The following CTNND2 variants were observed in gnomAD, a reference collection of about 807,000 sequenced individuals.
The protein encoded by CTNND2 is catenin delta-2.
A neutral mutation model predicts 144.4 loss-of-function variants in CTNND2; 22 were observed. That is an observed-to-expected ratio of 0.15 (90% confidence interval 0.11 to 0.22). The LOEUF is 0.22. Among genes scored for constraint, CTNND2 ranks in the 10% least tolerant of loss-of-function variants. The pLI is 1.00. For missense variants in CTNND2, 1,353 were observed against 1,618.8 expected (o/e 0.84, Z 2.82); for synonymous variants, 751 against 695.6 (o/e 1.08, Z -1.25).
chr5:11,840,084 C>A (rs907004198), intron 1 of CTNND2, among the ~76,000 whole-genome samples: 7 of 152,018 alleles, frequency 4.6e-5, no homozygotes, highest in Non-Finnish European at 8.8e-5. Flanking sequence ...AAAGCTACTG[C>A]AATATATTCA....
chr5:11,212,956 G>A (rs932020814), intron 10 of CTNND2, among the ~76,000 whole-genome samples: 5 of 152,208 alleles, frequency 3.3e-5, no homozygotes, highest in African/African-American at 9.6e-5. Context: ...GACAAGGGAG[G>A]TTGTGGCCAG....
intron 1 of CTNND2, among the ~76,000 whole-genome samples, chr5:11,759,953 T>A (rs1281955290): frequency 6.7e-6 from 1 of 149,654 alleles, no homozygotes; most frequent in East Asian, 2.0e-4. Flanking sequence ...TGCCTCTAAA[T>A]ACTGATACCA....
At chr5:11,335,805 C>A (rs1213383009) in intron 9 of CTNND2, among the ~76,000 whole-genome samples, 1 of 152,118 alleles carries the variant, frequency 6.6e-6, no homozygotes, top group African/African-American at 2.4e-5. Flanking sequence ...ATTGAAAATA[C>A]CTCTGATTGG....
Position 11,029,624 on chromosome 5 carries a change from A to C in CTNND2, c.2789-6645T>G, listed in dbSNP as rs1484072109. Among the ~76,000 whole-genome samples the C allele has an allele frequency of 2.0e-5, 3 of 152,232 alleles. No individual in the cohort carries two copies. The South Asian group carries it at 6.2e-4, about 32-fold the overall frequency. ...TTACATCTTTAAACATTGTGTGTCC[A>C]AAAACATAAATAATTGGTTTTTAAA... On this transcript the variant is annotated intron_variant, in intron 16 of 21. Transcript: ENST00000304623.
At chr5:11,870,333 AAC>A (rs1175254787) in intron 1 of CTNND2, among the ~76,000 whole-genome samples, 3 of 152,210 alleles carry the variant, frequency 2.0e-5, no homozygotes, top group African/African-American at 7.2e-5. Context: ...AGCCCACAAC[AAC>A]AGTTATCCAG....
In CTNND2 at chr5:11,882,606, G is replaced by T. The variant is rs188209539; in HGVS notation, c.37+21211C>A. ...ATTCTTGGAACCTTTGTCAAAAATC[G>T]GTTAACCAGAAGTACATGGATTTAT... On this transcript the variant is annotated intron_variant, in intron 1 of 21. Coordinates refer to ENST00000304623, the MANE Select transcript of CTNND2 (RefSeq NM_001332.4). Among the ~76,000 whole-genome samples the T allele has an allele frequency of 3.3e-5, 5 of 152,060 alleles. No individual in the cohort carries two copies. In the East Asian group the frequency reaches 9.6e-4, roughly 29 times the overall value.
chr5:11,889,485 G>A (rs892166344), intron 1 of CTNND2, among the ~76,000 whole-genome samples: 3 of 152,100 alleles, frequency 2.0e-5, no homozygotes, highest in Non-Finnish European at 2.9e-5. Flanking sequence ...TAAAATACTC[G>A]TTAGGCCAAA....
chr5:11,699,057 A>T (rs544866657), intron 2 of CTNND2, among the ~76,000 whole-genome samples: 1 of 151,572 alleles, frequency 6.6e-6, no homozygotes, highest in East Asian at 1.9e-4. Context: ...GTTCCCCCAC[A>T]CACACATAGT....
intron 15 of CTNND2, among the ~76,000 whole-genome samples, chr5:11,096,970 C>G (rs1021452276): frequency 6.6e-6 from 1 of 152,156 alleles, no homozygotes; most frequent in East Asian, 1.9e-4. Context: ...GGTCTTTTAG[C>G]TCATGAGCAC....
At chr5:11,508,083 T>C (rs900072265) in intron 3 of CTNND2, among the ~76,000 whole-genome samples, 2 of 152,164 alleles carry the variant, frequency 1.3e-5, no homozygotes, top group African/African-American at 4.8e-5. Flanking sequence ...TGGGATTTTA[T>C]GTTACGGTTG....
At chr5:11,224,647 T>C (rs950915914) in intron 10 of CTNND2, among the ~76,000 whole-genome samples, 1 of 152,230 alleles carries the variant, frequency 6.6e-6, no homozygotes, top group Admixed American at 6.5e-5. Context: ...ACCGCTAGTA[T>C]CCTGGTGGCC....
intron 14 of CTNND2, among the ~76,000 whole-genome samples, chr5:11,104,610 T>C (rs1468921634): frequency 6.6e-6 from 1 of 152,050 alleles, no homozygotes; most frequent in African/African-American, 2.4e-5. Flanking sequence ...CAGTTAACTG[T>C]AAAAAGCCAG....
intron 2 of CTNND2, among the ~76,000 whole-genome samples, chr5:11,646,467 G>A (rs1274221624): frequency 6.6e-6 from 1 of 152,110 alleles, no homozygotes; most frequent in African/African-American, 2.4e-5. Flanking sequence ...ACATTCTCAA[G>A]GATGTGCCAG....
intron 1 of CTNND2, among the ~76,000 whole-genome samples, chr5:11,837,539 G>A (rs1051652480): frequency 5.3e-5 from 8 of 152,304 alleles, no homozygotes; most frequent in East Asian, 1.9e-4. Flanking sequence ...ATCTCCATTC[G>A]TAGCTGGACA....
At chr5:11,777,578 C>A (rs187198000) in intron 1 of CTNND2, among the ~76,000 whole-genome samples, 2 of 152,164 alleles carry the variant, frequency 1.3e-5, no homozygotes, top group African/African-American at 4.8e-5. Flanking sequence ...ACTCCTGAAT[C>A]TTAGACAGAG....
intron 8 of CTNND2, among the ~76,000 whole-genome samples, chr5:11,346,856 T>C (rs926320009): frequency 4.6e-5 from 7 of 152,232 alleles, no homozygotes; most frequent in African/African-American, 1.7e-4. Context: ...GGAATGCATC[T>C]GTTGTGTGTA....
intron 11 of CTNND2, among the ~76,000 whole-genome samples, chr5:11,192,096 C>T (rs1736323488): frequency 6.6e-6 from 1 of 152,238 alleles, no homozygotes; most frequent in Admixed American, 6.5e-5. Flanking sequence ...GAGACAGGCG[C>T]TGCCTCTGCT....
At chr5:11,631,213 G>T (rs1781396878) in intron 2 of CTNND2, among the ~76,000 whole-genome samples, 2 of 152,024 alleles carry the variant, frequency 1.3e-5, no homozygotes, top group African/African-American at 4.8e-5. Context: ...TCACATTTAG[G>T]TCTCCAAAAT....
At chr5:11,841,731 C>A (rs1794483694) in intron 1 of CTNND2, among the ~76,000 whole-genome samples, 1 of 151,978 alleles carries the variant, frequency 6.6e-6, no homozygotes, top group South Asian at 2.1e-4. Context: ...GTTTCCTGAT[C>A]TGTAAAATGA....
Sources: gnomAD v4.1 joint callset for allele counts (sites outside exome capture counted in the v4.1 genomes callset) on GRCh38, gnomAD v4.1.1 for gene constraint, MANE v1.5 for transcripts, NCBI Gene and HGNC (gene_info 2026-07-23, HGNC 2026-07-21) for gene names.